AGMO: variants seen among roughly 807,000 people sequenced by gnomAD.
AGMO encodes the protein glyceryl-ether monooxygenase.
Under a neutral mutation model 60.2 loss-of-function variants are expected in AGMO, and 75 were observed. The observed-to-expected ratio is 1.25, with a 90% confidence interval of 1.03 to 1.51. AGMO has a LOEUF of 1.51. AGMO is among the 40% of genes most tolerant of loss of function. AGMO has a pLI of 0.00. For synonymous variants in AGMO, 261 were observed against 177.1 expected, an observed-to-expected ratio of 1.47 and a Z score of -3.76; for missense variants, 763 against 525.5, an observed-to-expected ratio of 1.45 and a Z score of -4.42.
intron 12 of AGMO, among the ~76,000 whole-genome samples, chr7:15,307,221 G>A (rs577298544): frequency 1.9e-3 from 295 of 152,040 alleles, no homozygotes; most frequent in African/African-American, 6.7e-3. Flanking sequence ...CCTTATGACA[G>A]ACTGTTCTGC....
At chr7:15,375,575 T>C (rs1012012326) in intron 10 of AGMO, among the ~76,000 whole-genome samples, 1 of 151,928 alleles carries the variant, frequency 6.6e-6, no homozygotes, top group Non-Finnish European at 1.5e-5. Flanking sequence ...TTTTGTATTT[T>C]TAGCAGAGGC....
intron 3 of AGMO, among the ~76,000 whole-genome samples, chr7:15,540,906 A>C (rs1784610372): frequency 6.6e-6 from 1 of 152,144 alleles, no homozygotes; most frequent in South Asian, 2.1e-4. Flanking sequence ...AATTTTTACA[A>C]ATATACGCAC....
At chr7:15,129,710 A>G in the AGMO span, among the ~76,000 whole-genome samples, 1 of 152,154 alleles carries the variant, frequency 6.6e-6, no homozygotes, top group African/African-American at 2.4e-5. Context: ...CAATTGCATT[A>G]TGGGTGGTTT....
At chr7:15,227,533 A>G (rs1242158680) in intron 12 of AGMO, among the ~76,000 whole-genome samples, 1 of 151,954 alleles carries the variant, frequency 6.6e-6, no homozygotes, top group Non-Finnish European at 1.5e-5. Context: ...GAAGCAACTT[A>G]CAAAAACACT....
intron 3 of AGMO, among the ~76,000 whole-genome samples, chr7:15,465,125 TTC>T (rs898230727): frequency 7.2e-5 from 11 of 151,976 alleles, no homozygotes; most frequent in African/African-American, 2.7e-4. Flanking sequence ...ACTCTGTGTG[TTC>T]TGTTTGGTTT....
chr7:15,217,857 T>G (rs2128495829), intron 12 of AGMO, among the ~76,000 whole-genome samples: 1 of 152,160 alleles, frequency 6.6e-6, no homozygotes, highest in South Asian at 2.1e-4. Context: ...CACTGTTAAT[T>G]TATTGTTCGC....
the AGMO span, among the ~76,000 whole-genome samples, chr7:15,117,805 C>A: frequency 6.6e-6 from 1 of 151,840 alleles, no homozygotes; most frequent in Non-Finnish European, 1.5e-5. Context: ...AGGTAAAGTG[C>A]TCAGCCACAT....
chr7:15,274,938 T>C (rs1265591575), intron 12 of AGMO, among the ~76,000 whole-genome samples: 5 of 152,158 alleles, frequency 3.3e-5, no homozygotes, highest in Non-Finnish European at 2.9e-5. Context: ...TCTTCTGTTT[T>C]TCTTCATTGA....
chr7:15,468,021 A>C (rs1338103443), intron 3 of AGMO, among the ~76,000 whole-genome samples: 1 of 152,048 alleles, frequency 6.6e-6, no homozygotes, highest in Non-Finnish European at 1.5e-5. Context: ...TCCTTTACCA[A>C]ACTTAACAAG....
At chr7:15,374,357 G>A (rs1194922269) in intron 10 of AGMO, among the ~76,000 whole-genome samples, 2 of 151,934 alleles carry the variant, frequency 1.3e-5, no homozygotes, top group Non-Finnish European at 2.9e-5. Flanking sequence ...TATCAAAGGT[G>A]AAAATATATT....
At chr7:15,445,402 T>A (rs187217349) in intron 3 of AGMO, among the ~76,000 whole-genome samples, 1 of 152,184 alleles carries the variant, frequency 6.6e-6, no homozygotes, top group Non-Finnish European at 1.5e-5. Context: ...GTATATTCAA[T>A]ATTATCACAT....
intron 3 of AGMO, among the ~76,000 whole-genome samples, chr7:15,451,752 G>A (rs1003390506): frequency 1.3e-5 from 2 of 152,040 alleles, no homozygotes; most frequent in Non-Finnish European, 2.9e-5. Flanking sequence ...TGCAAATTGG[G>A]AAGTCCCTAG....
At chr7:15,390,609 T>C in intron 8 of AGMO, 62 bp downstream of exon 8, 1 of 1,314,036 alleles carries the variant, frequency 7.6e-7, no homozygotes, top group Non-Finnish European at 1.1e-6. Context: ...CTGATTTTTC[T>C]CTTAACTATA....
Position 15,341,707 on chromosome 7 carries a change from G to A in AGMO, c.1263+23807C>T, listed in dbSNP as rs879453568. The stretch of plus-strand genomic sequence containing the variant: ...ATGCTGCTAATAAAAACATACCTGA[G>A]AGAGTGGGTAATTTATAAAGGAACA... On this transcript the variant is annotated intron_variant, in intron 12 of 12. Coordinates refer to ENST00000342526, the MANE Select transcript of AGMO (RefSeq NM_001004320.2). Among the ~76,000 whole-genome samples the A allele has an allele frequency of 3.5e-4, 53 of 152,070 alleles. 1 individual carries two copies. The highest frequency in any genetic ancestry group is 7.8e-4 in the Non-Finnish European group (53 of 68,018).
chr7:15,279,241 T>G (rs1382388985), intron 12 of AGMO, among the ~76,000 whole-genome samples: 1 of 152,108 alleles, frequency 6.6e-6, no homozygotes. Flanking sequence ...TTCCCTGCAT[T>G]AGGGGTCCTC....
chr7:15,230,647 G>A (rs1177246270), intron 12 of AGMO, among the ~76,000 whole-genome samples: 1 of 152,178 alleles, frequency 6.6e-6, no homozygotes, highest in Non-Finnish European at 1.5e-5. Flanking sequence ...GAGGCCTTGT[G>A]CAGAAGTCTT....
At chr7:15,325,700 T>C (rs1329615757) in intron 12 of AGMO, among the ~76,000 whole-genome samples, 8 of 152,184 alleles carry the variant, frequency 5.3e-5, no homozygotes, top group African/African-American at 1.9e-4. Flanking sequence ...AATATAGCAT[T>C]GTACCTTATC....
rs574947160 is a variant in AGMO, at chr7:15,418,580, T to C, written c.587A>G (p.Tyr196Cys). 6.3e-7 allele frequency: 1 copy of C among 1,588,934 alleles called. No individual in the cohort carries two copies. Among genetic ancestry groups the C allele is most frequent in the Non-Finnish European group, 8.5e-7 (1 of 1,169,868 alleles). The change falls in exon 5 of 13, where the codon TAC becomes TGC. Residue 196 changes from tyrosine (Y) to cysteine (C), a missense_variant. By Grantham distance (194) the Tyr-to-Cys change is radical. Transcript: ENST00000342526. ...TACCTCTGTATGGATCCAAAATTGG[T>C]AAAGAAGATTGAATTGAAGATGAAC... ...YAVHLQFNLL[Y>C]QFWIHTEVIN...
chr7:15,137,679 AG>A, the AGMO span, among the ~76,000 whole-genome samples: 1 of 152,178 alleles, frequency 6.6e-6, no homozygotes, highest in East Asian at 1.9e-4. Context: ...GAAGATTAGT[AG>A]GAATGATGAT....
Sources: gnomAD v4.1 joint callset for allele counts (sites outside exome capture counted in the v4.1 genomes callset) on GRCh38, gnomAD v4.1.1 for gene constraint, MANE v1.5 for transcripts, NCBI Gene and HGNC (gene_info 2026-07-23, HGNC 2026-07-21) for gene names.